Variants in ELP3 observed in about 807,000 individuals in gnomAD.
ELP3 encodes the protein elongator acetyltransferase complex subunit 3, also known as elongator complex protein 3.
ELP3 carries 56 observed loss-of-function variants against 74.9 expected under a neutral mutation model. That is an observed-to-expected ratio of 0.75 (90% CI 0.60 to 0.93). The LOEUF is 0.93. Ranked by LOEUF, ELP3 falls within the 40% of genes least tolerant of loss-of-function variation. The pLI, the probability that ELP3 is intolerant of heterozygous loss-of-function variation, is 0.00. For synonymous variants in ELP3, 222 were observed against 239.8 expected, an observed-to-expected ratio of 0.93 and a Z score of 0.68; for missense variants, 573 against 686.5, an observed-to-expected ratio of 0.83 and a Z score of 1.85.
intron 7 of ELP3, among the ~76,000 whole-genome samples, chr8:28,115,767 G>A (rs1812105021): frequency 6.6e-6 from 1 of 152,200 alleles, no homozygotes; most frequent in Non-Finnish European, 1.5e-5. Flanking sequence ...GTGTCAGAAT[G>A]TGAGTGTGTC....
intron 10 of ELP3, among the ~76,000 whole-genome samples, chr8:28,141,056 G>C (rs1302592583): frequency 1.3e-5 from 2 of 152,272 alleles, no homozygotes; most frequent in South Asian, 2.1e-4. Flanking sequence ...GTGACACTCG[G>C]TGTAGAATGT....
intron 7 of ELP3, among the ~76,000 whole-genome samples, chr8:28,123,101 A>G (rs1314738761): frequency 6.6e-6 from 1 of 152,214 alleles, no homozygotes; most frequent in Non-Finnish European, 1.5e-5. Context: ...TCCAGGCTGG[A>G]TAACAGAGTG....
intron 14 of ELP3, among the ~76,000 whole-genome samples, chr8:28,186,648 G>A (rs1372499456): frequency 6.6e-6 from 1 of 152,216 alleles, no homozygotes; most frequent in Non-Finnish European, 1.5e-5. Flanking sequence ...GGGCCTTCTT[G>A]CAGGTGGGGA....
chr8:28,161,950 A>G (rs770765095), intron 13 of ELP3, 47 bp from the exon 14 acceptor site: 1 of 1,593,910 alleles, frequency 6.3e-7, no homozygotes, highest in South Asian at 1.1e-5. Flanking sequence ...CCTCTTAATG[A>G]ACTTCCTTCC....
intron 13 of ELP3, 83 bp from the exon 14 acceptor site, chr8:28,161,914 T>C (rs1814108023): frequency 2.9e-6 from 4 of 1,368,046 alleles, no homozygotes; most frequent in African/African-American, 1.4e-5. Flanking sequence ...ACTACTAAAG[T>C]ATATAGCCTT....
intron 7 of ELP3, among the ~76,000 whole-genome samples, chr8:28,128,873 A>C (rs77400577): frequency 0.015 from 2,232 of 152,332 alleles, 37 homozygotes; most frequent in South Asian, 0.034. Context: ...AGACAGCATG[A>C]ATCTAAAGTG....
At chr8:28,099,750 G>A in intron 2 of ELP3, 78 bp from the exon 3 acceptor site, 7 of 1,514,940 alleles carry the variant, frequency 4.6e-6, no homozygotes, top group Non-Finnish European at 6.4e-6. Flanking sequence ...TGTTAATGAT[G>A]TTGTTTATAG....
intron 11 of ELP3, among the ~76,000 whole-genome samples, chr8:28,157,099 A>G (rs1397322984): frequency 6.6e-6 from 1 of 152,130 alleles, no homozygotes; most frequent in East Asian, 1.9e-4. Flanking sequence ...GGTTATCCCA[A>G]CAATCTCGTT....
At chr8:28,167,555 T>G (rs1453682877) in intron 14 of ELP3, among the ~76,000 whole-genome samples, 1 of 152,198 alleles carries the variant, frequency 6.6e-6, no homozygotes, top group African/African-American at 2.4e-5. Context: ...CTCATAATCC[T>G]TACCAAAATG....
intron 9 of ELP3, among the ~76,000 whole-genome samples, chr8:28,134,128 C>T (rs759457835): frequency 1.3e-5 from 2 of 152,108 alleles, no homozygotes; most frequent in Non-Finnish European, 2.9e-5. Flanking sequence ...CGACAGGCCC[C>T]GGGGTATGAT....
intron 10 of ELP3, among the ~76,000 whole-genome samples, chr8:28,142,797 ATTTT>A (rs943720175): frequency 7.2e-5 from 11 of 151,962 alleles, no homozygotes; most frequent in African/African-American, 2.7e-4. Flanking sequence ...TTGTTTTCTT[ATTTT>A]TTATGTAGTT....
rs1451211895 is a variant in ELP3, at chr8:28,137,894, A to G, written c.1100+3A>G. 3 of 1,581,460 alleles carry G rather than the reference A, an allele frequency of 1.9e-6. No individual in the cohort carries two copies. Among genetic ancestry groups the G allele is most frequent in the Non-Finnish European group, 2.6e-6 (3 of 1,169,798 alleles). On this transcript the variant is annotated splice_donor_region_variant and intron_variant, in intron 10 of 14. Coordinates refer to ENST00000256398, the MANE Select transcript of ELP3 (RefSeq NM_018091.6). The stretch of plus-strand genomic sequence containing the variant: ...ACTCGAGTGTACCGAGTACAGAGGT[A>G]GTGTGTTATCTTTTATTCCTAAAAT...
intron 9 of ELP3, among the ~76,000 whole-genome samples, chr8:28,136,984 C>G (rs4732628): frequency 0.59 from 89,118 of 152,072 alleles, 28,072 homozygotes; most frequent in East Asian, 0.92. Context: ...TGAGTTAGAT[C>G]TATTGCTCAG....
chr8:28,137,706 T>C lies in ELP3; in HGVS notation c.915T>C (p.Phe305=). 1 of 1,613,006 alleles carries C rather than the reference T, an allele frequency of 6.2e-7. No homozygotes were observed. Among genetic ancestry groups the C allele is most frequent in the South Asian group, 1.1e-5 (1 of 90,904 alleles). ...ERDIEQFTEF[F]ENPAFRPDGL... The stretch of plus-strand genomic sequence containing the variant: ...CTGTTCTCTATTCACAGGAGTTTTT[T>C]GAGAACCCTGCTTTTCGTCCCGATG... The change falls in exon 10 of 15, where the codon TTT becomes TTC. Residue 305 remains phenylalanine, a synonymous_variant. Coordinates refer to ENST00000256398, the MANE Select transcript of ELP3 (RefSeq NM_018091.6).
At chr8:28,137,976 G>T in intron 10 of ELP3, 85 bp downstream of exon 10, 1 of 1,278,216 alleles carries the variant, frequency 7.8e-7, no homozygotes, top group Non-Finnish European at 1.0e-6. Context: ...TTCATATTGA[G>T]GGTTTTGGAT....
chr8:28,183,827 A>ACGCAGGCCAT (rs1312971055), intron 14 of ELP3, among the ~76,000 whole-genome samples: 1 of 152,208 alleles, frequency 6.6e-6, no homozygotes, highest in Non-Finnish European at 1.5e-5. Context: ...GCAGAACCCC[A>ACGCAGGCCAT]CGCAGGCCAT....
upstream of ELP3, chr8:28,093,135 T>C: frequency 6.3e-7 from 1 of 1,586,064 alleles, no homozygotes; most frequent in South Asian, 1.1e-5. Flanking sequence ...CGGGATTGTT[T>C]TGTGGCTGTC....
chr8:28,155,214 C>T (rs1813780779), intron 10 of ELP3, among the ~76,000 whole-genome samples: 1 of 152,112 alleles, frequency 6.6e-6, no homozygotes, highest in African/African-American at 2.4e-5. Context: ...GCAGATGTGC[C>T]GAGCATATTT....
Position 28,113,165 on chromosome 8 carries a change from G to A in ELP3, c.609G>A (p.Glu203=). ...GACATACTTCCAACAATATTTACGA[G>A]GCAGTCAAGTAAGAAATTCTTATTT... The part of the protein sequence containing the change: ...LSGHTSNNIY[E]AVKYSERSLT... Residue 203 remains glutamate, a synonymous_variant, in exon 7 of 15, where the codon GAG becomes GAA. Transcript: ENST00000256398. 6.2e-7 allele frequency: 1 copy of A among 1,612,590 alleles called. No individual in the cohort carries two copies. Among genetic ancestry groups the A allele is most frequent in the South Asian group, 1.1e-5 (1 of 90,810 alleles).
Sources: gnomAD v4.1 joint callset for allele counts (sites outside exome capture counted in the v4.1 genomes callset) on GRCh38, gnomAD v4.1.1 for gene constraint, MANE v1.5 for transcripts, NCBI Gene and HGNC (gene_info 2026-07-23, HGNC 2026-07-21) for gene names.